Variants in NSD1 observed in about 807,000 individuals in gnomAD.
The protein encoded by NSD1 is nuclear receptor binding SET domain protein 1.
A neutral mutation model predicts 242.7 loss-of-function variants in NSD1; 26 were observed. The ratio of observed to expected loss-of-function variants is 0.11; its 90% CI spans 0.08 to 0.15. NSD1 has a LOEUF of 0.15. Among genes scored for constraint, NSD1 ranks in the 10% least tolerant of loss-of-function variants. The pLI is 1.00. For missense variants in NSD1, 2,495 were observed against 3,272.8 expected, an observed-to-expected ratio of 0.76 and a Z score of 5.80; for synonymous variants, 1,106 against 1,178.1, an observed-to-expected ratio of 0.94 and a Z score of 1.25.
intron 3 of NSD1, among the ~76,000 whole-genome samples, chr5:177,195,347 C>G (rs1261091357): frequency 6.6e-6 from 1 of 151,976 alleles, no homozygotes. Flanking sequence ...GATACCTTAT[C>G]CTTTGTGACC....
At chr5:177,243,178 TTTTCTTTC>T (rs893379635) in intron 8 of NSD1, among the ~76,000 whole-genome samples, 4 of 152,034 alleles carry the variant, frequency 2.6e-5, no homozygotes, top group Admixed American at 6.6e-5. Flanking sequence ...GATGGGTTAT[TTTTCTTTC>T]TTTCTTTCTT....
intron 5 of NSD1, chr5:177,221,105 T>C (rs1199238077): frequency 1.6e-5 from 7 of 442,370 alleles, no homozygotes; most frequent in African/African-American, 6.1e-5. Context: ...ACTCCTAGCC[T>C]GAAATGATCC....
At chr5:177,206,224 T>TCCTGTCCTCAAGTGA (rs1645288497) in intron 4 of NSD1, among the ~76,000 whole-genome samples, 1 of 152,170 alleles carries the variant, frequency 6.6e-6, no homozygotes, top group African/African-American at 2.4e-5. Flanking sequence ...GGTCTCAAAC[T>TCCTGTCCTCAAGTGA]CCTGTCCTCA....
chr5:177,185,839 ATT>A (rs1368984115), intron 2 of NSD1, among the ~76,000 whole-genome samples: 2,914 of 87,314 alleles, frequency 0.033, 202 homozygotes, highest in African/African-American at 0.14. Flanking sequence ...AGTTTTATAT[ATT>A]TAAATATATA....
intron 5 of NSD1, among the ~76,000 whole-genome samples, chr5:177,227,542 G>C (rs1190626852): frequency 6.6e-6 from 1 of 152,038 alleles, no homozygotes; most frequent in African/African-American, 2.4e-5. Flanking sequence ...CGCCTCCCGG[G>C]TTCAAGCAAT....
chr5:177,142,534 G>A (rs1756912117), intron 2 of NSD1, among the ~76,000 whole-genome samples: 1 of 152,176 alleles, frequency 6.6e-6, no homozygotes, highest in African/African-American at 2.4e-5. Flanking sequence ...AGAGGGAATA[G>A]CATATGCAAG....
intron 11 of NSD1, 27 bp from the exon 12 acceptor site, chr5:177,251,703 A>C (rs552199020): frequency 1.2e-6 from 2 of 1,613,190 alleles, no homozygotes; most frequent in African/African-American, 2.7e-5. Context: ...ATGGAAAAAC[A>C]GATAGATGTT....
chr5:177,264,936 T>C (rs1042592546), intron 14 of NSD1: 60 of 887,108 alleles, frequency 6.8e-5, no homozygotes, highest in East Asian at 9.6e-5. Context: ...ACAAGTGTTA[T>C]CATGGCAAAA....
At chr5:177,188,371 C>T (rs745326037) in intron 2 of NSD1, among the ~76,000 whole-genome samples, 43 of 152,022 alleles carry the variant, frequency 2.8e-4, no homozygotes, top group Non-Finnish European at 4.1e-4. Context: ...TGTCTATGAA[C>T]GAAAGTATTA....
rs577757494 is a variant in NSD1, at chr5:177,169,945, G to T, written c.928-21939G>T. 1.8e-3 allele frequency among the ~76,000 whole-genome samples: 269 copies of T among 152,036 alleles called. 1 individual carries two copies. The highest frequency in any genetic ancestry group is 6.3e-3 in the African/African-American group (261 of 41,522). ...TTTCTGTCTGTTGAGGTTATCATGT[G>T]TTATTTTGCTTTGTTGTATTATTGT... On this transcript the variant is annotated intron_variant, in intron 2 of 22. Coordinates refer to ENST00000439151, the MANE Select transcript of NSD1 (RefSeq NM_022455.5).
intron 5 of NSD1, among the ~76,000 whole-genome samples, chr5:177,218,097 C>G (rs1763929751): frequency 6.6e-6 from 1 of 152,074 alleles, no homozygotes; most frequent in African/African-American, 2.4e-5. Context: ...CCTTTTTGTA[C>G]AGGTCAGGTT....
At chr5:177,266,116 G>T in intron 14 of NSD1, 1 of 1,123,098 alleles carries the variant, frequency 8.9e-7, no homozygotes, top group Non-Finnish European at 1.4e-6. Context: ...CCCGTTCTGG[G>T]AAGATGAGGC....
In NSD1 at chr5:177,205,156, C is replaced by G. The variant is rs1037307845; in HGVS notation, c.1236+864C>G. 2.6e-5 allele frequency among the ~76,000 whole-genome samples: 4 copies of G among 152,212 alleles called. No homozygotes were observed. In the East Asian group the frequency reaches 7.7e-4, roughly 29 times the overall value. On this transcript the variant is annotated intron_variant, in intron 4 of 22. Transcript: ENST00000439151. Reference sequence around the variant, plus strand: ...GGTTTGAGCCATTCTTGTGCCTTAGCCTCCCAAGTAGCTGGGATTATAGGT... The same window carrying G: ...GGTTTGAGCCATTCTTGTGCCTTAGGCTCCCAAGTAGCTGGGATTATAGGT...
At chr5:177,150,766 GCTATATTTCCTGTGTTAT>G (rs1425145502) in intron 2 of NSD1, among the ~76,000 whole-genome samples, 1 of 152,058 alleles carries the variant, frequency 6.6e-6, no homozygotes, top group Non-Finnish European at 1.5e-5. Flanking sequence ...AAATTATGAG[GCTATATTTCCTGTGTTAT>G]CTCTGATTTC....
intron 14 of NSD1, chr5:177,265,323 G>C (rs1738761622): frequency 1.6e-6 from 1 of 624,356 alleles, no homozygotes; most frequent in African/African-American, 1.9e-5. Flanking sequence ...TATATATAAA[G>C]TGCCAACAGA....
At chr5:177,148,752 C>T (rs1416338995) in intron 2 of NSD1, among the ~76,000 whole-genome samples, 1 of 152,108 alleles carries the variant, frequency 6.6e-6, no homozygotes, top group Non-Finnish European at 1.5e-5. Context: ...AAGAAACTAC[C>T]AAGCTGTTTT....
chr5:177,158,483 G>C (rs532683929), intron 2 of NSD1, among the ~76,000 whole-genome samples: 2 of 151,138 alleles, frequency 1.3e-5, no homozygotes, highest in African/African-American at 4.9e-5. Flanking sequence ...GACTACAGGC[G>C]CCCGCCACCA....
intron 12 of NSD1, among the ~76,000 whole-genome samples, chr5:177,252,784 G>GCT (rs1463008456): frequency 6.9e-6 from 1 of 145,028 alleles, no homozygotes; most frequent in African/African-American, 2.6e-5. Flanking sequence ...GTGTTCTCTC[G>GCT]CTCTCTCTCT....
chr5:177,285,563 CAAA>C (rs772293606), intron 20 of NSD1, among the ~76,000 whole-genome samples: 110 of 81,904 alleles, frequency 1.3e-3, no homozygotes, highest in African/African-American at 2.5e-3. Context: ...GATTCCATCT[CAAA>C]AAAAAAAAAA....
Sources: gnomAD v4.1 joint callset for allele counts (sites outside exome capture counted in the v4.1 genomes callset) on GRCh38, gnomAD v4.1.1 for gene constraint, MANE v1.5 for transcripts, NCBI Gene and HGNC (gene_info 2026-07-23, HGNC 2026-07-21) for gene names.